The following UBTD1 variants were observed in gnomAD, a reference collection of about 807,000 sequenced individuals.
UBTD1 encodes the protein ubiquitin domain-containing protein 1.
A neutral mutation model predicts 21.7 loss-of-function variants in UBTD1; 19 were observed. The observed-to-expected ratio is 0.87, with a 90% confidence interval of 0.61 to 1.28. The LOEUF is 1.28. Ranked by LOEUF, UBTD1 falls within the 50% of genes most tolerant of loss-of-function variation. The probability of loss-of-function intolerance (pLI) is 0.00; values close to 1 mark genes in which losing one functional copy is unlikely to be tolerated. For missense variants in UBTD1, 282 were observed against 315.1 expected (o/e 0.89, Z 0.80); for synonymous variants, 116 against 135.1 (o/e 0.86, Z 0.98).
intron 1 of UBTD1, among the ~76,000 whole-genome samples, chr10:97,552,895 C>T (rs577106120): frequency 1.7e-4 from 26 of 152,308 alleles, no homozygotes; most frequent in African/African-American, 6.0e-4. Context: ...TAGGTTGTTC[C>T]TAGCTTTAAC....
At chr10:97,527,171 CAAAAAAAA>C (rs34756643) in intron 1 of UBTD1, among the ~76,000 whole-genome samples, 1 of 66,712 alleles carries the variant, frequency 1.5e-5, no homozygotes, top group Admixed American at 1.8e-4. Context: ...CTCTTGTCTC[CAAAAAAAA>C]AAAAAAAAAA....
intron 1 of UBTD1, among the ~76,000 whole-genome samples, chr10:97,509,577 C>T (rs1001737545): frequency 6.6e-6 from 1 of 152,192 alleles, no homozygotes; most frequent in Non-Finnish European, 1.5e-5. Flanking sequence ...CCCTGGTCAC[C>T]TTCTGTTCTG....
intron 1 of UBTD1, among the ~76,000 whole-genome samples, chr10:97,529,127 G>A (rs113821419): frequency 0.078 from 11,850 of 151,678 alleles, 490 homozygotes; most frequent in Middle Eastern, 0.11. Flanking sequence ...TCCCAGACGG[G>A]GCAGCGGGGC....
intron 1 of UBTD1, among the ~76,000 whole-genome samples, chr10:97,522,120 C>G (rs1320860964): frequency 6.6e-6 from 1 of 152,220 alleles, no homozygotes; most frequent in Non-Finnish European, 1.5e-5. Flanking sequence ...AAGACATAGA[C>G]AAGATCACCT....
At chr10:97,542,676 C>G (rs953022782) in intron 1 of UBTD1, among the ~76,000 whole-genome samples, 14 of 152,216 alleles carry the variant, frequency 9.2e-5, no homozygotes, top group African/African-American at 3.4e-4. Flanking sequence ...GACTCCGAAG[C>G]CTGTGCTCTT....
intron 1 of UBTD1, among the ~76,000 whole-genome samples, chr10:97,526,041 T>G (rs1458276598): frequency 6.6e-6 from 1 of 151,942 alleles, no homozygotes; most frequent in Non-Finnish European, 1.5e-5. Context: ...GGGGAGAGAG[T>G]GCCACTTCCC....
intron 1 of UBTD1, among the ~76,000 whole-genome samples, chr10:97,522,745 G>GTGGGGATAGACTCAGCTGGTGGC: frequency 6.6e-6 from 1 of 152,304 alleles, no homozygotes; most frequent in South Asian, 2.1e-4. Context: ...TGGCTGGTGG[G>GTGGGGATAGACTCAGCTGGTGGC]TGAAGGTGAG....
At chr10:97,550,540 C>T (rs1308718439) in intron 1 of UBTD1, among the ~76,000 whole-genome samples, 1 of 152,200 alleles carries the variant, frequency 6.6e-6, no homozygotes, top group South Asian at 2.1e-4. Context: ...CACCCCTCCC[C>T]ACCTGCTCAC....
intron 1 of UBTD1, among the ~76,000 whole-genome samples, chr10:97,536,852 G>A (rs1045750307): frequency 1.3e-5 from 2 of 151,990 alleles, no homozygotes; most frequent in African/African-American, 2.4e-5. Context: ...GTCCAGTGGT[G>A]GAGTCATTCG....
chr10:97,545,584 T>C (rs1331597093), intron 1 of UBTD1, among the ~76,000 whole-genome samples: 1 of 152,224 alleles, frequency 6.6e-6, no homozygotes, highest in Non-Finnish European at 1.5e-5. Context: ...TATTTGTGTG[T>C]ATCTTTAATC....
At chr10:97,567,608 G>A (rs941846636) in intron 1 of UBTD1, among the ~76,000 whole-genome samples, 7 of 151,932 alleles carry the variant, frequency 4.6e-5, no homozygotes, top group African/African-American at 1.7e-4. Context: ...GCAGTGAGCC[G>A]AGGTCATGCC....
intron 1 of UBTD1, among the ~76,000 whole-genome samples, chr10:97,528,508 G>A (rs2040505032): frequency 2.3e-5 from 2 of 85,780 alleles, no homozygotes; most frequent in African/African-American, 4.5e-5. Flanking sequence ...CGGACGGGGC[G>A]GCTGGCCGGG....
At chr10:97,551,691 A>C (rs1468263986) in intron 1 of UBTD1, among the ~76,000 whole-genome samples, 1 of 152,152 alleles carries the variant, frequency 6.6e-6, no homozygotes, top group Admixed American at 6.5e-5. Flanking sequence ...GCAAGTCAGC[A>C]CCACCGTCGG....
Position 97,499,038 on chromosome 10 carries a change from G to T in UBTD1, c.-166G>T. 1.3e-6 allele frequency: 1 copy of T among 757,058 alleles called. No homozygotes were observed. The highest frequency in any genetic ancestry group is 2.0e-6 in the Non-Finnish European group (1 of 495,128). 46.9% of individuals were successfully genotyped at this position (757,058 alleles called of 1,614,324 possible). A position where few individuals can be genotyped will look rare whatever the true frequency, so the allele number is the denominator to read the frequency against. ...GCCACTTCCCTCTCTCCCCTGGCCC[G>T]CAAAGTTTTGGCGGAGCCATCGCTG... is the stretch of plus-strand genomic sequence containing the variant. On this transcript the variant is annotated 5_prime_UTR_variant, in exon 1 of 3. Coordinates refer to ENST00000370664, the MANE Select transcript of UBTD1 (RefSeq NM_024954.5).
chr10:97,564,169 A>G (rs1226125441), intron 1 of UBTD1, among the ~76,000 whole-genome samples: 1 of 152,074 alleles, frequency 6.6e-6, no homozygotes, highest in Non-Finnish European at 1.5e-5. Context: ...TGGGAATCTG[A>G]AGTAGGCAAG....
At chr10:97,499,309 C>A in intron 1 of UBTD1, 36 bp downstream of exon 1, 1 of 1,540,300 alleles carries the variant, frequency 6.5e-7, no homozygotes, top group Non-Finnish European at 8.8e-7. Context: ...CTCGGGCATC[C>A]CGCCAGTTGT....
At chr10:97,532,130 G>A (rs1446593030) in intron 1 of UBTD1, among the ~76,000 whole-genome samples, 2 of 152,168 alleles carry the variant, frequency 1.3e-5, no homozygotes, top group Non-Finnish European at 2.9e-5. Context: ...ATAGTGGGGG[G>A]CTGACTGGGC....
intron 1 of UBTD1, among the ~76,000 whole-genome samples, chr10:97,535,295 C>G (rs1589875739): frequency 6.6e-6 from 1 of 152,276 alleles, no homozygotes; most frequent in East Asian, 1.9e-4. Flanking sequence ...CATTAAACAA[C>G]AGCTAGGTCT....
chr10:97,529,721 AGAGGGAGACCGTGGAAAGAGAGGG>A (rs1307986585), intron 1 of UBTD1, among the ~76,000 whole-genome samples: 6 of 53,266 alleles, frequency 1.1e-4, no homozygotes, highest in Non-Finnish European at 3.7e-4. Context: ...GCTCGGCATG[AGAGGGAGACCGTGGAAAGAGAGGG>A]AGAGGGAGAC....
Sources: gnomAD v4.1 joint callset for allele counts (sites outside exome capture counted in the v4.1 genomes callset) on GRCh38, gnomAD v4.1.1 for gene constraint, MANE v1.5 for transcripts, NCBI Gene and HGNC (gene_info 2026-07-23, HGNC 2026-07-21) for gene names.